The following TPD52L1 variants were observed in gnomAD, a reference collection of about 807,000 sequenced individuals.
TPD52L1 encodes the protein tumor protein D53.
Under a neutral mutation model 28.7 loss-of-function variants are expected in TPD52L1, and 18 were observed. The observed-to-expected ratio is 0.63, with a 90% CI of 0.43 to 0.93. TPD52L1 has a LOEUF of 0.93. TPD52L1 is among the 40% of genes least tolerant of loss of function. The pLI is 0.00. For missense variants in TPD52L1, 203 were observed against 254.8 expected, an observed-to-expected ratio of 0.80 and a Z score of 1.39; for synonymous variants, 75 against 88.8, an observed-to-expected ratio of 0.84 and a Z score of 0.88.
intron 3 of TPD52L1, among the ~76,000 whole-genome samples, chr6:125,242,265 C>A (rs905021924): frequency 5.3e-5 from 8 of 151,946 alleles, no homozygotes; most frequent in African/African-American, 1.9e-4. Context: ...GTGTATACTG[C>A]AATTGTTTGG....
At chr6:125,207,235 G>A (rs1199219433) in intron 1 of TPD52L1, among the ~76,000 whole-genome samples, 1 of 152,144 alleles carries the variant, frequency 6.6e-6, no homozygotes, top group Non-Finnish European at 1.5e-5. Context: ...AGTGGGATTG[G>A]GAGATTTCAG....
At position 125,199,356 on chromosome 6, in the gene TPD52L1, AT is replaced by A. The variant is rs1261333051; in HGVS notation, c.20-20720del. 1.1e-4 allele frequency among the ~76,000 whole-genome samples: 16 copies of A among 152,336 alleles called. No homozygotes were observed. The East Asian group carries it at 2.5e-3, about 24-fold the overall frequency. ...GGATCAAGAAAAAGTCACATGTTAA[AT>A]TCTGTGTACAGAGATAATTATTTTC... On this transcript the variant is annotated intron_variant, in intron 1 of 6. Coordinates refer to ENST00000534000, the MANE Select transcript of TPD52L1 (RefSeq NM_003287.4).
intron 6 of TPD52L1, chr6:125,260,961 AAAGAAAGAAAGAAAGAAAAG>A (rs1797926715): frequency 4.8e-5 from 2 of 41,848 alleles, no homozygotes; most frequent in African/African-American, 2.4e-4. Flanking sequence ...AGAAAGAAAG[AAAGAAAGAAAGAAAGAAAAG>A]AAAAGAAAGA....
intron 1 of TPD52L1, among the ~76,000 whole-genome samples, chr6:125,191,263 A>T (rs1442311365): frequency 1.3e-5 from 2 of 152,078 alleles, no homozygotes; most frequent in Non-Finnish European, 2.9e-5. Context: ...CTGCTGAATG[A>T]TTTTGCAGAA....
intron 1 of TPD52L1, among the ~76,000 whole-genome samples, chr6:125,172,478 G>A (rs200649782): frequency 1.4e-5 from 1 of 73,274 alleles, no homozygotes; most frequent in African/African-American, 5.9e-5. Flanking sequence ...GTGTGTGTGT[G>A]TTTTTTTTTT....
At chr6:125,257,301 GAATAAA>G in intron 6 of TPD52L1, 143 bp downstream of exon 6, 1 of 594,296 alleles carries the variant, frequency 1.7e-6, no homozygotes, top group Non-Finnish European at 3.0e-6. Context: ...ATAAATCTAT[GAATAAA>G]ACCACTATTG....
intron 3 of TPD52L1, among the ~76,000 whole-genome samples, chr6:125,243,272 A>T (rs1796723301): frequency 6.6e-6 from 1 of 152,086 alleles, no homozygotes; most frequent in East Asian, 1.9e-4. Context: ...TAACCTGATG[A>T]CTGTGTGCCT....
chr6:125,205,279 A>G (rs1329785746), intron 1 of TPD52L1, among the ~76,000 whole-genome samples: 2 of 152,208 alleles, frequency 1.3e-5, no homozygotes, highest in Non-Finnish European at 2.9e-5. Context: ...CCCGACCTGA[A>G]AGGCCGGCTG....
chr6:125,212,122 A>AT (rs1386867555), intron 1 of TPD52L1, among the ~76,000 whole-genome samples: 3 of 152,162 alleles, frequency 2.0e-5, no homozygotes, highest in Non-Finnish European at 4.4e-5. Context: ...GCTTGAGGTT[A>AT]TTTTTACCAA....
chr6:125,208,857 G>T, intron 1 of TPD52L1: 1 of 973,526 alleles, frequency 1.0e-6, no homozygotes, highest in Non-Finnish European at 1.2e-6. Flanking sequence ...GGAGAGTCTG[G>T]GTCCTGAGCC....
rs73771282 is a variant in TPD52L1 at position 125,222,427 on chromosome 6, G to A, written c.135+2234G>A. On this transcript the variant is annotated intron_variant, in intron 2 of 6. Transcript: ENST00000534000. ...CTCAGAGACCAGCCTATTAGATGAC[G>A]GCCTTGGAGTCAGGCACTCAGTTGT... Among the ~76,000 whole-genome samples, 943 of 152,126 alleles carry A rather than the reference G, an allele frequency of 6.2e-3. 13 individuals carry two copies. Among genetic ancestry groups the A allele is most frequent in the African/African-American group, 0.022 (893 of 41,488 alleles).
chr6:125,172,140 CTT>C (rs1249589788), intron 1 of TPD52L1, among the ~76,000 whole-genome samples: 1 of 63,264 alleles, frequency 1.6e-5, no homozygotes, highest in African/African-American at 9.0e-5. Context: ...TTCTTTCTTT[CTT>C]TCTTTCTTTC....
intron 3 of TPD52L1, among the ~76,000 whole-genome samples, chr6:125,244,179 A>G (rs1163935153): frequency 2.0e-5 from 3 of 152,060 alleles, no homozygotes; most frequent in Non-Finnish European, 4.4e-5. Flanking sequence ...TGGAGTTGGA[A>G]TGGCAGGTAT....
intron 1 of TPD52L1, among the ~76,000 whole-genome samples, chr6:125,160,964 TGCCTCC>T (rs60111502): frequency 0.082 from 12,489 of 151,738 alleles, 557 homozygotes; most frequent in Middle Eastern, 0.11. Context: ...CAAATTCTCC[TGCCTCC>T]GCTTCCTGAA....
intron 1 of TPD52L1, among the ~76,000 whole-genome samples, chr6:125,155,026 G>A (rs1019015894): frequency 4.6e-5 from 7 of 152,228 alleles, no homozygotes; most frequent in African/African-American, 9.6e-5. Context: ...CGTGGGCCTG[G>A]AGTCGCCCAA....
intron 1 of TPD52L1, among the ~76,000 whole-genome samples, chr6:125,178,656 A>ATATATATATAT (rs1383661753): frequency 6.7e-5 from 10 of 149,622 alleles, no homozygotes; most frequent in African/African-American, 2.5e-4. Flanking sequence ...AAAACAAAAC[A>ATATATATATAT]AAATATATAT....
At chr6:125,166,640 A>C (rs777760807) in intron 1 of TPD52L1, among the ~76,000 whole-genome samples, 33 of 152,100 alleles carry the variant, frequency 2.2e-4, no homozygotes, top group Non-Finnish European at 4.1e-4. Context: ...TTTATTTTAA[A>C]TTTTGCTTGC....
intron 3 of TPD52L1, among the ~76,000 whole-genome samples, chr6:125,242,853 G>T (rs1247509944): frequency 3.3e-5 from 5 of 151,906 alleles, no homozygotes; most frequent in Non-Finnish European, 4.4e-5. Flanking sequence ...CCTAAATACT[G>T]TTTTGTTTTG....
chr6:125,232,533 G>A (rs560990595), intron 3 of TPD52L1, among the ~76,000 whole-genome samples: 3 of 152,250 alleles, frequency 2.0e-5, no homozygotes, highest in Non-Finnish European at 2.9e-5. Flanking sequence ...GGTAGAATTA[G>A]ATTTCAAAGC....
Sources: gnomAD v4.1 joint callset for allele counts (sites outside exome capture counted in the v4.1 genomes callset) on GRCh38, gnomAD v4.1.1 for gene constraint, MANE v1.5 for transcripts, NCBI Gene and HGNC (gene_info 2026-07-23, HGNC 2026-07-21) for gene names.